The following RELN variants were observed in gnomAD, a reference collection of about 807,000 sequenced individuals.
The protein encoded by RELN is reelin.
A neutral mutation model predicts 427.6 loss-of-function variants in RELN; 108 were observed. The ratio of observed to expected loss-of-function variants is 0.25; its 90% CI spans 0.22 to 0.30. The LOEUF is 0.30. Among genes scored for constraint, RELN ranks in the 10% least tolerant of loss-of-function variants. The pLI is 1.00. For synonymous variants in RELN, 1,524 were observed against 1,513.4 expected, an observed-to-expected ratio of 1.01 and a Z score of -0.16; for missense variants, 3,715 against 4,302.8, an observed-to-expected ratio of 0.86 and a Z score of 3.82.
chr7:103,687,896 C>A (rs1190503421), intron 10 of RELN, among the ~76,000 whole-genome samples: 1 of 152,108 alleles, frequency 6.6e-6, no homozygotes, highest in African/African-American at 2.4e-5. Context: ...CGATCTGGCT[C>A]ATTTCCATGT....
chr7:103,899,896 G>A (rs1310354213), intron 2 of RELN, among the ~76,000 whole-genome samples: 1 of 152,126 alleles, frequency 6.6e-6, no homozygotes, highest in Non-Finnish European at 1.5e-5. Flanking sequence ...ACAAGGCAAG[G>A]ATGCCCTCTT....
chr7:103,717,933 C>T (rs1789981175), intron 8 of RELN, among the ~76,000 whole-genome samples: 1 of 152,134 alleles, frequency 6.6e-6, no homozygotes, highest in Non-Finnish European at 1.5e-5. Flanking sequence ...TCTACTGAAT[C>T]AAGTTCTGAG....
Position 103,798,295 on chromosome 7 carries a change from T to C in RELN, c.474-21668A>G, listed in dbSNP as rs56284134. 6.7e-3 allele frequency among the ~76,000 whole-genome samples: 1,027 copies of C among 152,276 alleles called. 4 individuals are homozygous for C. The highest frequency in any genetic ancestry group is 0.012 in the Admixed American group (183 of 15,292). On this transcript the variant is annotated intron_variant, in intron 3 of 64. Coordinates refer to ENST00000428762, the MANE Select transcript of RELN (RefSeq NM_005045.4). The stretch of plus-strand genomic sequence containing the variant: ...CATGAGCTCTGCAGTCAAATCTAGG[T>C]TCAAATCTTAGCTACAATACTCCAT...
At chr7:103,863,733 C>T (rs1374891606) in intron 2 of RELN, among the ~76,000 whole-genome samples, 1 of 152,032 alleles carries the variant, frequency 6.6e-6, no homozygotes, top group East Asian at 1.9e-4. Flanking sequence ...TTATTAGCCC[C>T]ATTCTACAGA....
intron 2 of RELN, among the ~76,000 whole-genome samples, chr7:103,859,360 C>T (rs1794018748): frequency 6.6e-6 from 1 of 152,114 alleles, no homozygotes; most frequent in Non-Finnish European, 1.5e-5. Context: ...GTGGTGCGAT[C>T]TCTGCTCAGT....
intron 2 of RELN, among the ~76,000 whole-genome samples, chr7:103,908,784 G>A (rs1795274820): frequency 1.3e-5 from 2 of 152,122 alleles, no homozygotes; most frequent in African/African-American, 4.8e-5. Context: ...ATACTCAAAT[G>A]GAATGAATAA....
intron 12 of RELN, among the ~76,000 whole-genome samples, chr7:103,657,339 C>T (rs1316568684): frequency 6.6e-6 from 1 of 151,624 alleles, no homozygotes. Context: ...AATGAAATTC[C>T]TAATAGAAAA....
At chr7:103,919,996 A>C (rs1396693465) in intron 1 of RELN, among the ~76,000 whole-genome samples, 1 of 152,178 alleles carries the variant, frequency 6.6e-6, no homozygotes. Context: ...GACAGAGATA[A>C]AACTGCTGTC....
chr7:103,497,836 G>T lies in RELN; in HGVS notation c.8934C>A (p.Asp2978Glu). The T allele has an allele frequency of 6.2e-7, 1 of 1,614,100 alleles. No homozygotes were observed. Among genetic ancestry groups the T allele is most frequent in the Non-Finnish European group, 8.5e-7 (1 of 1,179,986 alleles). Reference sequence around the variant, plus strand: ...GACACATGCCTCCATCGGTAGAGTAGTCCAACAGCACGCCTTCCTTCCGGC... The same window carrying T: ...GACACATGCCTCCATCGGTAGAGTATTCCAACAGCACGCCTTCCTTCCGGC... Reference protein sequence around the residue: ...PICRKEGVLLDYSTDGGITWT... With the variant: ...PICRKEGVLLEYSTDGGITWT... Residue 2978 changes from aspartate to glutamate, a missense_variant, in exon 55 of 65, where the codon GAC (aspartate) becomes GAA (glutamate). Asp to Glu is a conservative substitution (Grantham distance 45, BLOSUM62 2). This residue lies in a region of RELN where 1,310 missense variants were observed against 1,643.0 expected (regional missense o/e 0.80). Transcript: ENST00000428762.
chr7:103,844,786 G>A (rs1323696553), intron 2 of RELN, among the ~76,000 whole-genome samples: 2 of 152,204 alleles, frequency 1.3e-5, no homozygotes, highest in Non-Finnish European at 2.9e-5. Flanking sequence ...TAAATTTCAT[G>A]TAAAGTGATT....
chr7:103,498,342 TA>T (rs759858605), intron 53 of RELN, 90 bp from the exon 54 acceptor site: 278 of 1,159,994 alleles, frequency 2.4e-4, no homozygotes, highest in Admixed American at 3.0e-4. Flanking sequence ...GTCTTGGACT[TA>T]AAAAAAATAG....
intron 41 of RELN, among the ~76,000 whole-genome samples, chr7:103,546,957 T>C (rs886098422): frequency 5.3e-5 from 8 of 152,250 alleles, no homozygotes; most frequent in Non-Finnish European, 8.8e-5. Flanking sequence ...TGTCCTATCA[T>C]GTTGCTGATA....
rs535096980 is a variant in RELN at position 103,597,369 on chromosome 7, G to A, written c.3334-708C>T. ...TGTAATCACAGCACTTTGGGAGGCC[G>A]AAGTGGGTGGATCACCTGAGGTCAG... On this transcript the variant is annotated intron_variant, in intron 24 of 64. Coordinates refer to ENST00000428762, the MANE Select transcript of RELN (RefSeq NM_005045.4). Among the ~76,000 whole-genome samples the A allele has an allele frequency of 3.1e-3, 478 of 152,238 alleles. 2 individuals are homozygous for A. The highest frequency in any genetic ancestry group is 0.011 in the African/African-American group (464 of 41,550).
intron 1 of RELN, among the ~76,000 whole-genome samples, chr7:103,985,580 C>T (rs1037597085): frequency 6.6e-6 from 1 of 152,148 alleles, no homozygotes; most frequent in Non-Finnish European, 1.5e-5. Flanking sequence ...CTTTCTATCC[C>T]CATATCTATT....
chr7:103,862,452 T>C (rs1349132466), intron 2 of RELN, among the ~76,000 whole-genome samples: 1 of 150,112 alleles, frequency 6.7e-6, no homozygotes, highest in Admixed American at 6.7e-5. Context: ...TCTATCTATC[T>C]ATCTATCTAT....
chr7:103,870,407 G>A (rs1334548490), intron 2 of RELN, among the ~76,000 whole-genome samples: 1 of 151,846 alleles, frequency 6.6e-6, no homozygotes, highest in Non-Finnish European at 1.5e-5. Context: ...TGGCTGATGA[G>A]CTTAAACTTG....
intron 4 of RELN, among the ~76,000 whole-genome samples, chr7:103,755,756 A>C (rs1382285733): frequency 7.0e-6 from 1 of 143,088 alleles, no homozygotes; most frequent in Non-Finnish European, 1.5e-5. Flanking sequence ...GCGGACTTGC[A>C]GTGAGCTGAT....
At chr7:103,637,846 T>G (rs1217363899) in intron 17 of RELN, among the ~76,000 whole-genome samples, 3 of 152,204 alleles carry the variant, frequency 2.0e-5, no homozygotes, top group African/African-American at 4.8e-5. Flanking sequence ...TTAATTTTCC[T>G]TAGCAAGACT....
chr7:103,846,472 T>C (rs1584292106), intron 2 of RELN, among the ~76,000 whole-genome samples: 1 of 152,158 alleles, frequency 6.6e-6, no homozygotes, highest in East Asian at 1.9e-4. Flanking sequence ...ACCATAAAAA[T>C]CCTAGAAGAA....
Sources: allele counts gnomAD v4.1 joint callset (sites outside exome capture counted in the v4.1 genomes callset), GRCh38; gene constraint gnomAD v4.1.1; regional missense constraint gnomAD v4.1.1; transcripts MANE v1.5; gene names NCBI Gene and HGNC (gene_info 2026-07-23, HGNC 2026-07-21).